NR3C2: variants seen among roughly 807,000 people sequenced by gnomAD.
The protein encoded by NR3C2 is nuclear receptor subfamily 3 group C member 2.
Under a neutral mutation model 86.4 loss-of-function variants are expected in NR3C2, and 15 were observed. The observed-to-expected ratio is 0.17, with a 90% CI of 0.12 to 0.27. The LOEUF is 0.27. Among genes scored for constraint, NR3C2 ranks in the 10% least tolerant of loss-of-function variants. The pLI, the probability that NR3C2 is intolerant of heterozygous loss-of-function variation, is 1.00. For synonymous variants in NR3C2, 458 were observed against 450.5 expected, an observed-to-expected ratio of 1.02 and a Z score of -0.21; for missense variants, 960 against 1,195.6, an observed-to-expected ratio of 0.80 and a Z score of 2.91.
Position 148,414,778 on chromosome 4 carries a change from T to A in NR3C2, c.1757+20326A>T, listed in dbSNP as rs546543426. ...TATTTTTCCTTTACCTTTTGCCTTA[T>A]AAAATATTTAGTTTTTACTATAAAA... is the stretch of plus-strand genomic sequence containing the variant. On this transcript the variant is annotated intron_variant, in intron 2 of 8. Transcript: ENST00000358102. 3.3e-5 allele frequency among the ~76,000 whole-genome samples: 5 copies of A among 152,308 alleles called. No individual in the cohort carries two copies. The South Asian group carries it at 1.0e-3, about 32-fold the overall frequency.
intron 2 of NR3C2, among the ~76,000 whole-genome samples, chr4:148,307,043 T>C (rs955401054): frequency 2.4e-4 from 36 of 152,162 alleles, no homozygotes; most frequent in Non-Finnish European, 4.4e-5. Flanking sequence ...ACGTGAATAT[T>C]TTTGTGACAC....
chr4:148,082,385 G>A (rs1425316030), intron 8 of NR3C2, among the ~76,000 whole-genome samples: 1 of 152,186 alleles, frequency 6.6e-6, no homozygotes, highest in African/African-American at 2.4e-5. Flanking sequence ...CATTTGGACT[G>A]GTTAGACGGT....
chr4:148,177,602 AC>A (rs1259581138), intron 4 of NR3C2, among the ~76,000 whole-genome samples: 1 of 152,234 alleles, frequency 6.6e-6, no homozygotes, highest in Non-Finnish European at 1.5e-5. Context: ...CAGTGGACAC[AC>A]CTATTCACAG....
chr4:148,229,211 TA>T (rs1233614997), intron 3 of NR3C2, among the ~76,000 whole-genome samples: 2 of 152,050 alleles, frequency 1.3e-5, no homozygotes, highest in Admixed American at 1.3e-4. Context: ...GCTTGGACAA[TA>T]AAGTGGAACC....
At chr4:148,439,470 C>T (rs887799178) in intron 1 of NR3C2, among the ~76,000 whole-genome samples, 5 of 152,138 alleles carry the variant, frequency 3.3e-5, no homozygotes, top group Non-Finnish European at 5.9e-5. Context: ...GTCTCAACAG[C>T]TTTACCTGAA....
chr4:148,445,266 G>C (rs1436965515), upstream of NR3C2, among the ~76,000 whole-genome samples: 3 of 151,950 alleles, frequency 2.0e-5, no homozygotes, highest in Non-Finnish European at 4.4e-5. Context: ...CCTCGCGCGG[G>C]GGGCGGGAGG....
At chr4:148,412,348 T>C (rs1748748431) in intron 2 of NR3C2, among the ~76,000 whole-genome samples, 1 of 152,206 alleles carries the variant, frequency 6.6e-6, no homozygotes, top group South Asian at 2.1e-4. Context: ...GACTTATTCC[T>C]AAAATTACAG....
chr4:148,208,979 ATGCC>A (rs1737144385), intron 3 of NR3C2: 1 of 152,210 alleles, frequency 6.6e-6, no homozygotes, highest in African/African-American at 2.4e-5. Flanking sequence ...GCGGTGGCTC[ATGCC>A]TGTAATCCCA....
At chr4:148,259,872 CAAA>C in intron 3 of NR3C2, 103 bp downstream of exon 3, 1 of 1,440,242 alleles carries the variant, frequency 6.9e-7, no homozygotes, top group Non-Finnish European at 9.7e-7. Flanking sequence ...CAGATTAAAT[CAAA>C]AATCTTTTTG....
At chr4:148,119,060 C>G (rs1462025232) in intron 7 of NR3C2, among the ~76,000 whole-genome samples, 1 of 152,146 alleles carries the variant, frequency 6.6e-6, no homozygotes, top group Non-Finnish European at 1.5e-5. Flanking sequence ...TCCTGTCACC[C>G]CACTGCTCAA....
chr4:148,359,132 C>T (rs1745714559), intron 2 of NR3C2, among the ~76,000 whole-genome samples: 1 of 152,050 alleles, frequency 6.6e-6, no homozygotes, highest in Non-Finnish European at 1.5e-5. Context: ...CCTATATAGT[C>T]CTCTCTCTTT....
intron 2 of NR3C2, among the ~76,000 whole-genome samples, chr4:148,428,072 C>T (rs754447380): frequency 1.3e-5 from 2 of 152,126 alleles, no homozygotes; most frequent in Admixed American, 1.3e-4. Context: ...CATGGAGAAA[C>T]CCTGCAAACA....
intron 2 of NR3C2, among the ~76,000 whole-genome samples, chr4:148,356,993 G>A (rs1466375928): frequency 6.6e-6 from 1 of 151,784 alleles, no homozygotes; most frequent in Non-Finnish European, 1.5e-5. Flanking sequence ...GTCCTCATAG[G>A]AACACCTGCT....
intron 3 of NR3C2, among the ~76,000 whole-genome samples, chr4:148,249,766 A>T (rs1026158829): frequency 5.9e-5 from 9 of 152,340 alleles, no homozygotes; most frequent in Admixed American, 5.2e-4. Context: ...ACACACAGGA[A>T]GGTGACGCTT....
chr4:148,338,180 C>A (rs1221520816), intron 2 of NR3C2, among the ~76,000 whole-genome samples: 1 of 152,120 alleles, frequency 6.6e-6, no homozygotes, highest in East Asian at 1.9e-4. Context: ...GAAAGCATCC[C>A]TTCATTACAA....
chr4:148,394,990 C>T, intron 2 of NR3C2, among the ~76,000 whole-genome samples: 1 of 151,964 alleles, frequency 6.6e-6, no homozygotes, highest in East Asian at 1.9e-4. Flanking sequence ...GTGGGGGAAA[C>T]AGTCCAGGAT....
At chr4:148,114,687 C>A (rs80228412) in intron 7 of NR3C2, among the ~76,000 whole-genome samples, 1 of 152,326 alleles carries the variant, frequency 6.6e-6, no homozygotes, top group East Asian at 1.9e-4. Context: ...TGTGGCTGGT[C>A]ATCCAAGTGT....
At chr4:148,347,572 T>C (rs1745058152) in intron 2 of NR3C2, among the ~76,000 whole-genome samples, 1 of 152,112 alleles carries the variant, frequency 6.6e-6, no homozygotes, top group Non-Finnish European at 1.5e-5. Flanking sequence ...AAATCAGTGT[T>C]CTCTCAAGAT....
At chr4:148,324,066 T>A (rs971419456) in intron 2 of NR3C2, among the ~76,000 whole-genome samples, 1 of 152,092 alleles carries the variant, frequency 6.6e-6, no homozygotes, top group Non-Finnish European at 1.5e-5. Context: ...AAGCAGCTGG[T>A]GAGACCATCA....
Sources: allele counts gnomAD v4.1 joint callset (sites outside exome capture counted in the v4.1 genomes callset), GRCh38; gene constraint gnomAD v4.1.1; transcripts MANE v1.5; gene names NCBI Gene and HGNC (gene_info 2026-07-23, HGNC 2026-07-21).